Variants in DPP6 observed in about 807,000 individuals in gnomAD.
The protein encoded by DPP6 is dipeptidyl peptidase like 6, also known as A-type potassium channel modulatory protein DPP6.
Under a neutral mutation model 122.6 loss-of-function variants are expected in DPP6, and 69 were observed. The ratio of observed to expected loss-of-function variants is 0.56; its 90% CI spans 0.46 to 0.69. The LOEUF is 0.69. Among genes scored for constraint, DPP6 ranks in the 30% least tolerant of loss-of-function variants. The pLI, the probability that DPP6 is intolerant of heterozygous loss-of-function variation, is 0.00. For synonymous variants in DPP6, 418 were observed against 433.1 expected, an observed-to-expected ratio of 0.97 and a Z score of 0.43; for missense variants, 928 against 1,116.9, an observed-to-expected ratio of 0.83 and a Z score of 2.41.
intron 1 of DPP6, among the ~76,000 whole-genome samples, chr7:154,093,192 A>G (rs1183459411): frequency 6.7e-6 from 1 of 150,214 alleles, no homozygotes; most frequent in Non-Finnish European, 1.5e-5. Flanking sequence ...ACCACATGCC[A>G]CACAACTTAC....
At chr7:154,672,204 C>T (rs931029132) in intron 7 of DPP6, among the ~76,000 whole-genome samples, 2 of 152,162 alleles carry the variant, frequency 1.3e-5, no homozygotes, top group Non-Finnish European at 2.9e-5. Flanking sequence ...GAGGTGCCTT[C>T]TGCCGTGATT....
At chr7:154,005,838 A>G (rs1195229107) in intron 1 of DPP6, among the ~76,000 whole-genome samples, 2 of 152,020 alleles carry the variant, frequency 1.3e-5, no homozygotes, top group African/African-American at 4.8e-5. Context: ...TGAGCTTCTA[A>G]GCTTTGCATC....
chr7:153,793,317 T>C, the DPP6 span, among the ~76,000 whole-genome samples: 433 of 149,724 alleles, frequency 2.9e-3, no homozygotes, highest in African/African-American at 9.8e-3. Context: ...CAGATGGTGA[T>C]GAGGAACTTG....
chr7:154,769,937 C>T (rs968076600), intron 9 of DPP6, among the ~76,000 whole-genome samples: 5 of 152,134 alleles, frequency 3.3e-5, no homozygotes, highest in African/African-American at 9.7e-5. Flanking sequence ...CTTCCATCTG[C>T]CCCTGGTCCC....
chr7:154,062,675 G>C (rs1207184085), intron 1 of DPP6, among the ~76,000 whole-genome samples: 1 of 62,704 alleles, frequency 1.6e-5, no homozygotes, highest in Admixed American at 1.5e-4. Context: ...GCGAGGGTGG[G>C]GACTGAGAGC....
At chr7:154,003,889 G>A (rs901158469) in intron 1 of DPP6, among the ~76,000 whole-genome samples, 1 of 152,212 alleles carries the variant, frequency 6.6e-6, no homozygotes, top group African/African-American at 2.4e-5. Context: ...CATTTCTGTG[G>A]CTCCAAGGAA....
At chr7:153,834,897 A>G in the DPP6 span, among the ~76,000 whole-genome samples, 1 of 152,240 alleles carries the variant, frequency 6.6e-6, no homozygotes, top group Non-Finnish European at 1.5e-5. Flanking sequence ...TCACTCGGCA[A>G]TAACTATTAG....
At chr7:153,948,014 A>G (rs10480320) in intron 1 of DPP6, among the ~76,000 whole-genome samples, 89,529 of 151,966 alleles carry the variant, frequency 0.59, 26,925 homozygotes, top group East Asian at 0.92. Context: ...TCATAAAGAC[A>G]CTGGCATGTT....
chr7:154,479,580 GAA>G (rs769448415), intron 3 of DPP6, among the ~76,000 whole-genome samples: 2 of 141,794 alleles, frequency 1.4e-5, no homozygotes, highest in Admixed American at 1.4e-4. Flanking sequence ...AAAAAGAAAA[GAA>G]AAGAAAAAGA....
chr7:154,892,392 G>C lies in DPP6; in HGVS notation c.2510G>C (p.Arg837Pro), dbSNP rs1380418522. Residue 837 changes from arginine (R) to proline (P), a missense_variant, in exon 26 of 26, where the codon CGG (arginine) becomes CCG (proline). By Grantham distance (103) the Arg-to-Pro change is moderately radical (BLOSUM62 -2). Transcript: ENST00000377770. Reference protein sequence around the residue: ...TSSSLKQHLYRSIINFFVECF... With the variant: ...TSSSLKQHLYPSIINFFVECF... ...TCCAGCCTCAAACAGCATCTGTACC[G>C]GTCCATCATCAACTTCTTCGTGGAA... 5 of 1,613,894 alleles carry C rather than the reference G, an allele frequency of 3.1e-6. No individual in the cohort carries two copies. Among genetic ancestry groups the C allele is most frequent in the Non-Finnish European group, 4.2e-6 (5 of 1,179,904 alleles).
chr7:154,575,342 TATGTGTGTGTG>T (rs1831519520), intron 5 of DPP6, among the ~76,000 whole-genome samples: 1 of 62,366 alleles, frequency 1.6e-5, no homozygotes, highest in Non-Finnish European at 3.1e-5. Context: ...GTGGTGTGTG[TATGTGTGTGTG>T]GTGTGTGTGT....
chr7:154,480,338 C>T (rs1435361721), intron 3 of DPP6, among the ~76,000 whole-genome samples: 1 of 152,154 alleles, frequency 6.6e-6, no homozygotes, highest in Non-Finnish European at 1.5e-5. Context: ...TAAATCCACT[C>T]CCGTTAGGCT....
chr7:154,087,113 C>T (rs889458370), intron 1 of DPP6, among the ~76,000 whole-genome samples: 2 of 151,430 alleles, frequency 1.3e-5, no homozygotes, highest in Admixed American at 1.3e-4. Flanking sequence ...TCAGTAGGTG[C>T]TCACTAGTTT....
In DPP6 at chr7:154,477,729, G is replaced by A. The variant is rs187263055; in HGVS notation, c.457+2692G>A. 4.1e-4 allele frequency among the ~76,000 whole-genome samples: 62 copies of A among 152,284 alleles called. No individual in the cohort carries two copies. The East Asian group carries it at 0.011, about 28-fold the overall frequency. On this transcript the variant is annotated intron_variant, in intron 3 of 25. Coordinates refer to ENST00000377770, the MANE Select transcript of DPP6 (RefSeq NM_130797.4). ...TCCGCAAAGCTGGGAGTTAATACAC[G>A]CAATTGAGACGTGGCTATGTGCCCA... is the stretch of plus-strand genomic sequence containing the variant.
chr7:154,533,859 A>T (rs1272405442), intron 3 of DPP6, among the ~76,000 whole-genome samples: 2 of 152,082 alleles, frequency 1.3e-5, no homozygotes, highest in South Asian at 2.1e-4. Context: ...TTAGCCAGGC[A>T]TGGTGGCATG....
intron 1 of DPP6, among the ~76,000 whole-genome samples, chr7:154,324,489 C>T (rs1391667753): frequency 1.3e-5 from 2 of 152,184 alleles, no homozygotes; most frequent in Non-Finnish European, 2.9e-5. Flanking sequence ...CTTCCTCTTA[C>T]CACGGGGTGA....
intron 10 of DPP6, among the ~76,000 whole-genome samples, chr7:154,776,246 T>TAGAC (rs4061914): frequency 0.76 from 114,162 of 150,872 alleles, 43,290 homozygotes; most frequent in African/African-American, 0.82. Flanking sequence ...AACAGATACA[T>TAGAC]AGATAGATAG....
At chr7:154,155,305 G>A (rs1022788919) in intron 1 of DPP6, among the ~76,000 whole-genome samples, 4 of 152,216 alleles carry the variant, frequency 2.6e-5, no homozygotes, top group African/African-American at 9.7e-5. Context: ...GGATCAGGAG[G>A]TTGCTAGGTA....
chr7:154,422,051 G>A (rs954864343), intron 1 of DPP6, among the ~76,000 whole-genome samples: 13 of 152,356 alleles, frequency 8.5e-5, no homozygotes, highest in Admixed American at 7.8e-4. Context: ...ATCGCAAGAA[G>A]TTGCTACCAC....
Sources: allele counts gnomAD v4.1 joint callset (sites outside exome capture counted in the v4.1 genomes callset), GRCh38; gene constraint gnomAD v4.1.1; transcripts MANE v1.5; gene names NCBI Gene and HGNC (gene_info 2026-07-23, HGNC 2026-07-21).